Variants in BICC1 observed in about 807,000 individuals in gnomAD.
The protein encoded by BICC1 is protein bicaudal C homolog 1.
Under a neutral mutation model 111.0 loss-of-function variants are expected in BICC1, and 43 were observed. The ratio of observed to expected loss-of-function variants is 0.39; its 90% CI spans 0.30 to 0.50. The LOEUF (loss-of-function observed/expected upper bound fraction) is 0.50, where lower values mean the gene tolerates loss of function less well. BICC1 is among the 20% of genes least tolerant of loss of function. The probability of loss-of-function intolerance (pLI) is 0.88; values close to 1 mark genes in which losing one functional copy is unlikely to be tolerated. For missense variants in BICC1, 1,091 were observed against 1,203.2 expected, an observed-to-expected ratio of 0.91 and a Z score of 1.38; for synonymous variants, 467 against 434.4, an observed-to-expected ratio of 1.07 and a Z score of -0.93.
At chr10:58,643,628 T>C (rs962062684) in intron 2 of BICC1, among the ~76,000 whole-genome samples, 1 of 152,082 alleles carries the variant, frequency 6.6e-6, no homozygotes, top group African/African-American at 2.4e-5. Flanking sequence ...GACTGAAAAA[T>C]AAATAGAAGA....
intron 1 of BICC1, among the ~76,000 whole-genome samples, chr10:58,530,107 G>C (rs1038036882): frequency 4.6e-5 from 7 of 151,704 alleles, no homozygotes; most frequent in Admixed American, 6.6e-5. Flanking sequence ...ATATAATCTA[G>C]TGGAAGAGAG....
At chr10:58,708,887 C>T (rs1840484770) in intron 3 of BICC1, among the ~76,000 whole-genome samples, 1 of 152,154 alleles carries the variant, frequency 6.6e-6, no homozygotes, top group African/African-American at 2.4e-5. Flanking sequence ...TTACTGGCTG[C>T]TCTTTGTTAG....
chr10:58,549,034 CAG>C (rs1843217610), intron 1 of BICC1, among the ~76,000 whole-genome samples: 1 of 152,000 alleles, frequency 6.6e-6, no homozygotes, highest in South Asian at 2.1e-4. Flanking sequence ...TTTGTGGAGA[CAG>C]GGTTTTGCCA....
At chr10:58,787,404 C>G (rs138015277) in intron 5 of BICC1, among the ~76,000 whole-genome samples, 105 of 152,284 alleles carry the variant, frequency 6.9e-4, no homozygotes, top group Admixed American at 3.5e-3. Context: ...AGTCCAGGAA[C>G]CTATCCATTG....
rs758248444 is a variant in BICC1, at chr10:58,789,431, C to T, written c.770C>T (p.Ser257Phe). Residue 257 changes from serine (S) to phenylalanine (F), a missense_variant, in exon 7 of 21, where the codon TCT becomes TTT. Transcript: ENST00000373886. ...GGTGCTACTGTCATAGTACGAGGGTCTCAGAATAACACTAGTGCTGTGAAG... is the reference window on the plus strand; with the variant it reads ...GGTGCTACTGTCATAGTACGAGGGTTTCAGAATAACACTAGTGCTGTGAAG... Reference protein sequence around the residue: ...MYGATVIVRGSQNNTSAVKEG... With the variant: ...MYGATVIVRGFQNNTSAVKEG... The T allele has an allele frequency of 3.1e-6, 5 of 1,613,668 alleles. No homozygotes were observed. In the African/African-American group the frequency reaches 6.7e-5, roughly 22 times the overall value.
intron 3 of BICC1, among the ~76,000 whole-genome samples, chr10:58,720,668 A>G (rs1185051181): frequency 1.3e-5 from 2 of 152,170 alleles, no homozygotes; most frequent in Non-Finnish European, 2.9e-5. Context: ...GTGGCCAATA[A>G]GGTTGGACAG....
At chr10:58,586,288 A>C (rs2132026126) in intron 1 of BICC1, among the ~76,000 whole-genome samples, 1 of 152,282 alleles carries the variant, frequency 6.6e-6, no homozygotes, top group East Asian at 1.9e-4. Context: ...TTGGTGGGTC[A>C]AAGAAATGAG....
At chr10:58,527,234 T>G (rs1464793096) in intron 1 of BICC1, among the ~76,000 whole-genome samples, 1 of 152,194 alleles carries the variant, frequency 6.6e-6, no homozygotes, top group Non-Finnish European at 1.5e-5. Context: ...TTTTGAGAAG[T>G]GTCTGTTCAT....
intron 18 of BICC1, among the ~76,000 whole-genome samples, chr10:58,817,340 C>G (rs1844124869): frequency 6.6e-6 from 1 of 152,128 alleles, no homozygotes; most frequent in South Asian, 2.1e-4. Context: ...TTCTGCCTCC[C>G]AAGTGTAACC....
chr10:58,651,620 G>A (rs1838451484), intron 2 of BICC1, among the ~76,000 whole-genome samples: 1 of 152,062 alleles, frequency 6.6e-6, no homozygotes, highest in Non-Finnish European at 1.5e-5. Flanking sequence ...GATTCTCTCA[G>A]TTCTTTATTT....
rs115390749 is a variant in BICC1, at chr10:58,581,212, G to A, written c.191-39643G>A. 1.7e-3 allele frequency among the ~76,000 whole-genome samples: 261 copies of A among 152,168 alleles called. 1 individual carries two copies. Among genetic ancestry groups the A allele is most frequent in the African/African-American group, 6.0e-3 (251 of 41,536 alleles). ...ACTACTCCTGAAGGAATTATATGTT[G>A]AGGCCTCTTTTTAAAAGTGTTAACT... On this transcript the variant is annotated intron_variant, in intron 1 of 20. Transcript: ENST00000373886.
At chr10:58,574,242 G>T (rs1982173) in intron 1 of BICC1, among the ~76,000 whole-genome samples, 55,267 of 151,974 alleles carry the variant, frequency 0.36, 11,290 homozygotes, top group Admixed American at 0.56. Context: ...TCTTCTGTGT[G>T]AGAATCAGAT....
intron 3 of BICC1, among the ~76,000 whole-genome samples, chr10:58,727,093 T>C (rs1161064199): frequency 1.3e-5 from 2 of 152,154 alleles, no homozygotes; most frequent in African/African-American, 2.4e-5. Context: ...AATGTTAACA[T>C]TGGCCTTTAA....
chr10:58,696,534 A>G (rs2132430365), intron 2 of BICC1, among the ~76,000 whole-genome samples: 1 of 152,318 alleles, frequency 6.6e-6, no homozygotes, highest in East Asian at 1.9e-4. Flanking sequence ...AACAACAGAA[A>G]TTTAAAACAA....
intron 3 of BICC1, among the ~76,000 whole-genome samples, chr10:58,770,670 T>A (rs553835031): frequency 6.6e-6 from 1 of 152,252 alleles, no homozygotes; most frequent in Admixed American, 6.5e-5. Flanking sequence ...ATAAAAAGGT[T>A]GTTTATACTT....
intron 1 of BICC1, among the ~76,000 whole-genome samples, chr10:58,543,745 C>T (rs906417499): frequency 2.1e-4 from 32 of 150,230 alleles, no homozygotes; most frequent in Admixed American, 1.4e-3. Flanking sequence ...TGGCCTCAAG[C>T]GATCCTCCTG....
intron 18 of BICC1, among the ~76,000 whole-genome samples, chr10:58,814,835 C>A (rs1844036170): frequency 6.6e-6 from 1 of 151,848 alleles, no homozygotes; most frequent in African/African-American, 2.4e-5. Flanking sequence ...ATTGAATTAG[C>A]ATCTTAGACC....
intron 1 of BICC1, among the ~76,000 whole-genome samples, chr10:58,540,943 A>G (rs756424397): frequency 6.6e-6 from 1 of 152,156 alleles, no homozygotes; most frequent in Non-Finnish European, 1.5e-5. Context: ...AACAGAATGA[A>G]GGAAATGTAA....
chr10:58,548,426 A>G (rs962430311), intron 1 of BICC1, among the ~76,000 whole-genome samples: 1 of 152,114 alleles, frequency 6.6e-6, no homozygotes, highest in African/African-American at 2.4e-5. Context: ...CACTGAGTGT[A>G]TTTTATACAT....
Sources: gnomAD v4.1 joint callset for allele counts (sites outside exome capture counted in the v4.1 genomes callset) on GRCh38, gnomAD v4.1.1 for gene constraint, MANE v1.5 for transcripts, NCBI Gene and HGNC (gene_info 2026-07-23, HGNC 2026-07-21) for gene names.